Variants in KCTD16 observed in about 807,000 individuals in gnomAD.
KCTD16 encodes potassium channel tetramerization domain containing 16, also known as BTB/POZ domain-containing protein KCTD16.
Under a neutral mutation model 33.2 loss-of-function variants are expected in KCTD16, and 13 were observed. That is an observed-to-expected ratio of 0.39 (90% CI 0.25 to 0.62). The LOEUF (loss-of-function observed/expected upper bound fraction) is 0.62, where lower values mean the gene tolerates loss of function less well. Among genes scored for constraint, KCTD16 ranks in the 20% least tolerant of loss-of-function variants. KCTD16 has a pLI of 0.50. For synonymous variants in KCTD16, 197 were observed against 195.3 expected (o/e 1.01, Z -0.07); for missense variants, 441 against 525.1 (o/e 0.84, Z 1.57).
At chr5:144,464,450 GGGGA>G (rs1308139507) in intron 3 of KCTD16, among the ~76,000 whole-genome samples, 1 of 152,208 alleles carries the variant, frequency 6.6e-6, no homozygotes, top group Non-Finnish European at 1.5e-5. Context: ...CAACTGAGGA[GGGGA>G]GGTACTAATG....
chr5:144,381,767 A>G (rs935185733), intron 3 of KCTD16, among the ~76,000 whole-genome samples: 2 of 152,230 alleles, frequency 1.3e-5, no homozygotes, highest in East Asian at 1.9e-4. Context: ...TGACAATTCA[A>G]CATGAGATTT....
chr5:144,234,947 T>A (rs1281901328), intron 3 of KCTD16, among the ~76,000 whole-genome samples: 1 of 152,068 alleles, frequency 6.6e-6, no homozygotes, highest in Admixed American at 6.6e-5. Context: ...CACGATTTCC[T>A]GATGAAAACA....
At position 144,179,252 on chromosome 5, in the gene KCTD16, C is replaced by A. The variant is rs187059774; in HGVS notation, c.-327+4780C>A. On this transcript the variant is annotated intron_variant, in intron 2 of 3. Coordinates refer to ENST00000512467, the MANE Select transcript of KCTD16 (RefSeq NM_020768.4). ...CTACCCAGCAGAAAAGTCTCCCCAC[C>A]AGGCAGGTTCCCCTATCAGCCACCC... Among the ~76,000 whole-genome samples, 273 of 152,296 alleles carry A rather than the reference C, an allele frequency of 1.8e-3. 2 individuals carry two copies. Among genetic ancestry groups the A allele is most frequent in the East Asian group, 4.4e-3 (23 of 5,188 alleles).
intron 3 of KCTD16, among the ~76,000 whole-genome samples, chr5:144,318,763 A>G (rs1440651697): frequency 2.0e-5 from 3 of 152,164 alleles, no homozygotes; most frequent in South Asian, 2.1e-4. Context: ...TTGGGGACAG[A>G]TAGCTTGTCT....
chr5:144,193,888 G>T (rs886355602), intron 2 of KCTD16, among the ~76,000 whole-genome samples: 113 of 152,178 alleles, frequency 7.4e-4, no homozygotes, highest in Non-Finnish European at 1.6e-4. Flanking sequence ...GGGATCAGAT[G>T]ATGGATTTTC....
chr5:144,302,676 C>T (rs1055857918), intron 3 of KCTD16, among the ~76,000 whole-genome samples: 3 of 152,176 alleles, frequency 2.0e-5, no homozygotes, highest in Admixed American at 6.5e-5. Flanking sequence ...GAAAGAATAA[C>T]TTAACTGTAA....
In KCTD16 at chr5:144,479,610, T is replaced by C. The variant is rs1479447896; in HGVS notation, c.*5496T>C. On this transcript the variant is annotated 3_prime_UTR_variant, in exon 4 of 4. Transcript: ENST00000512467. ...TGATGAACATGAGCAACTAATTATGTTAAATTGGCCAAGATTAAAACAAAA... is the reference window on the plus strand; with the variant it reads ...TGATGAACATGAGCAACTAATTATGCTAAATTGGCCAAGATTAAAACAAAA... 6.6e-6 allele frequency: 1 copy of C among 151,900 alleles called. No individual in the cohort carries two copies. Among genetic ancestry groups the C allele is most frequent in the Non-Finnish European group, 1.5e-5 (1 of 67,892 alleles). 9.4% of individuals were successfully genotyped at this position (151,900 alleles called of 1,614,324 possible).
chr5:144,395,675 GTCC>G (rs947187895), intron 3 of KCTD16, among the ~76,000 whole-genome samples: 5 of 152,158 alleles, frequency 3.3e-5, no homozygotes, highest in African/African-American at 1.2e-4. Context: ...GAGTTCTATT[GTCC>G]TCCCAGGTAG....
At chr5:144,243,819 C>T (rs1441862660) in intron 3 of KCTD16, among the ~76,000 whole-genome samples, 2 of 152,136 alleles carry the variant, frequency 1.3e-5, no homozygotes, top group African/African-American at 4.8e-5. Flanking sequence ...TGTTGGCTCA[C>T]TGCAACCTCC....
At chr5:144,346,058 G>A (rs1026667112) in intron 3 of KCTD16, among the ~76,000 whole-genome samples, 3 of 150,588 alleles carry the variant, frequency 2.0e-5, no homozygotes, top group Non-Finnish European at 2.9e-5. Flanking sequence ...GTGTCCATGA[G>A]TTCAATTGTT....
intron 3 of KCTD16, among the ~76,000 whole-genome samples, chr5:144,472,901 A>C (rs1470256563): frequency 6.6e-6 from 1 of 152,222 alleles, no homozygotes; most frequent in African/African-American, 2.4e-5. Context: ...TACTGAATAA[A>C]ATGGTTAATT....
At chr5:144,455,938 G>A (rs1004927872) in intron 3 of KCTD16, among the ~76,000 whole-genome samples, 5 of 152,220 alleles carry the variant, frequency 3.3e-5, no homozygotes, top group East Asian at 1.9e-4. Flanking sequence ...ATGCAAATAC[G>A]ATTCACAGAT....
chr5:144,277,214 T>C (rs528862880), intron 3 of KCTD16, among the ~76,000 whole-genome samples: 108 of 152,346 alleles, frequency 7.1e-4, no homozygotes, highest in African/African-American at 2.5e-3. Context: ...TTGTGCTTTT[T>C]GGTGACCCTC....
intron 3 of KCTD16, among the ~76,000 whole-genome samples, chr5:144,361,788 A>C (rs1561580477): frequency 6.6e-6 from 1 of 152,274 alleles, no homozygotes. Context: ...TCTCATCACA[A>C]TCTGTGGCCT....
At chr5:144,256,130 A>G (rs1397416913) in intron 3 of KCTD16, among the ~76,000 whole-genome samples, 1 of 152,194 alleles carries the variant, frequency 6.6e-6, no homozygotes, top group Non-Finnish European at 1.5e-5. Context: ...GTTTGAATAC[A>G]GGCACTTTGG....
chr5:144,289,039 A>C (rs1447020550), intron 3 of KCTD16, among the ~76,000 whole-genome samples: 1 of 152,050 alleles, frequency 6.6e-6, no homozygotes, highest in Non-Finnish European at 1.5e-5. Flanking sequence ...CAAACAAACA[A>C]AAAAACAAGC....
At chr5:144,370,773 T>G (rs1488843960) in intron 3 of KCTD16, among the ~76,000 whole-genome samples, 1 of 152,184 alleles carries the variant, frequency 6.6e-6, no homozygotes, top group Non-Finnish European at 1.5e-5. Context: ...AACCACTCCC[T>G]TGCTTGCTGG....
At position 144,388,065 on chromosome 5, in the gene KCTD16, G is replaced by GTTTTTTTTT. The variant is rs397999492; in HGVS notation, c.833-85573_833-85565dup. Among the ~76,000 whole-genome samples the GTTTTTTTTT allele has an allele frequency of 1.5e-3, 113 of 73,662 alleles. 13 individuals are homozygous for GTTTTTTTTT. Among genetic ancestry groups the GTTTTTTTTT allele is most frequent in the African/African-American group, 6.5e-3 (104 of 16,104 alleles). The allele number at this position is 73,662 out of a possible 152,430, so 48.3% of individuals were successfully genotyped here. The stretch of plus-strand genomic sequence containing the variant: ...AATCCAGAGTTCAATTTTAGAGCAA[G>GTTTTTTTTT]TTTTTTTTTTTTTTTTTTTTTTTTT... On this transcript the variant is annotated intron_variant, in intron 3 of 3. Coordinates refer to ENST00000512467, the MANE Select transcript of KCTD16 (RefSeq NM_020768.4).
chr5:144,182,432 A>G (rs1160982005), intron 2 of KCTD16, among the ~76,000 whole-genome samples: 2 of 152,366 alleles, frequency 1.3e-5, no homozygotes, highest in African/African-American at 4.8e-5. Flanking sequence ...AAAGCCCTTT[A>G]AATATACAAA....
Sources: allele counts gnomAD v4.1 joint callset (sites outside exome capture counted in the v4.1 genomes callset), GRCh38; gene constraint gnomAD v4.1.1; transcripts MANE v1.5; gene names NCBI Gene and HGNC (gene_info 2026-07-23, HGNC 2026-07-21).